The following CENPC variants were observed in gnomAD, a reference collection of about 807,000 sequenced individuals.
CENPC encodes the protein centromere protein C.
CENPC carries 63 observed loss-of-function variants against 112.1 expected under a neutral mutation model. The observed-to-expected ratio is 0.56, with a 90% CI of 0.46 to 0.69. CENPC has a LOEUF of 0.69. CENPC is among the 30% of genes least tolerant of loss of function. The pLI is 0.00. For missense variants in CENPC, 1,000 were observed against 1,103.8 expected (o/e 0.91, Z 1.33); for synonymous variants, 333 against 367.6 (o/e 0.91, Z 1.08).
Position 67,545,423 on chromosome 4 carries a change from G to A in CENPC, c.-68C>T, listed in dbSNP as rs1727006494. On this transcript the variant is annotated 5_prime_UTR_variant, in exon 1 of 19. Transcript: ENST00000273853. ...CCCACACGGACCACAGCTCCAGGAA[G>A]CCGAGCAAGAAACGAATCGCCGGAA... is the stretch of plus-strand genomic sequence containing the variant. 2.8e-6 allele frequency: 4 copies of A among 1,427,196 alleles called. No homozygotes were observed. Among genetic ancestry groups the A allele is most frequent in the Middle Eastern group, 1.9e-4 (1 of 5,202 alleles). The allele number at this position is 1,427,196 out of a possible 1,614,324, so 88.4% of individuals were successfully genotyped here.
intron 16 of CENPC, among the ~76,000 whole-genome samples, 181 bp from the exon 17 acceptor site, chr4:67,490,302 C>G (rs1258186920): frequency 1.3e-5 from 2 of 152,118 alleles, no homozygotes; most frequent in African/African-American, 4.8e-5. Flanking sequence ...GTCTTAAAAG[C>G]TGCATGACCT....
chr4:67,532,094 A>C (rs1252365727), intron 4 of CENPC, among the ~76,000 whole-genome samples: 1 of 152,236 alleles, frequency 6.6e-6, no homozygotes, highest in Non-Finnish European at 1.5e-5. Context: ...AAGGATATGA[A>C]CAGACACTTC....
intron 16 of CENPC, among the ~76,000 whole-genome samples, chr4:67,491,480 T>TATAGAGAGAG (rs1725270093): frequency 6.1e-4 from 11 of 18,102 alleles, no homozygotes; most frequent in Non-Finnish European, 7.3e-4. Flanking sequence ...TATATATATA[T>TATAGAGAGAG]AGAGAGAGAG....
intron 8 of CENPC, 122 bp downstream of exon 8, chr4:67,513,952 G>C: frequency 1.2e-6 from 1 of 836,584 alleles, no homozygotes; most frequent in Non-Finnish European, 1.7e-6. Flanking sequence ...GAACCTATAG[G>C]CTTTTCAGGC....
At chr4:67,521,065 A>G (rs1398999517) in intron 5 of CENPC, among the ~76,000 whole-genome samples, 4 of 145,930 alleles carry the variant, frequency 2.7e-5, no homozygotes, top group African/African-American at 9.9e-5. Flanking sequence ...AACACAGGAA[A>G]GAACCTATAC....
intron 7 of CENPC, among the ~76,000 whole-genome samples, chr4:67,516,387 CT>C (rs948306153): frequency 6.6e-6 from 1 of 151,966 alleles, no homozygotes; most frequent in African/African-American, 2.4e-5. Context: ...CTCGTTTCCA[CT>C]TTTTCACTAG....
chr4:67,497,979 C>A (rs562970844), intron 12 of CENPC, among the ~76,000 whole-genome samples: 2 of 152,024 alleles, frequency 1.3e-5, no homozygotes, highest in East Asian at 3.9e-4. Flanking sequence ...GCCTGTAATC[C>A]CAAGACTTTG....
intron 2 of CENPC, among the ~76,000 whole-genome samples, chr4:67,542,669 T>C (rs148106148): frequency 3.3e-5 from 5 of 152,296 alleles, no homozygotes; most frequent in Admixed American, 6.5e-5. Flanking sequence ...ATTTTGCAGA[T>C]AGGCAAACTG....
chr4:67,513,335 A>C (rs1386991455), intron 8 of CENPC, among the ~76,000 whole-genome samples: 2 of 152,316 alleles, frequency 1.3e-5, no homozygotes, highest in East Asian at 3.9e-4. Flanking sequence ...TGACAGCAAT[A>C]GAAAATTAAT....
chr4:67,493,684 A>C (rs760690411), intron 14 of CENPC, 200 bp downstream of exon 14: 23 of 476,824 alleles, frequency 4.8e-5, no homozygotes, highest in Non-Finnish European at 7.5e-5. Context: ...CAGATGATAC[A>C]GGAATAACAA....
chr4:67,498,330 T>C (rs1725497247), intron 12 of CENPC, among the ~76,000 whole-genome samples: 1 of 152,232 alleles, frequency 6.6e-6, no homozygotes, highest in South Asian at 2.1e-4. Context: ...TTTTGCCTTA[T>C]TGTTGATGAC....
At chr4:67,513,087 T>C (rs1271305663) in intron 8 of CENPC, among the ~76,000 whole-genome samples, 3 of 152,048 alleles carry the variant, frequency 2.0e-5, no homozygotes, top group Non-Finnish European at 2.9e-5. Context: ...ATTCACAACA[T>C]GAGAAGGCTG....
At chr4:67,494,801 G>A (rs1006851694) in intron 13 of CENPC, among the ~76,000 whole-genome samples, 18 of 152,138 alleles carry the variant, frequency 1.2e-4, no homozygotes, top group African/African-American at 4.3e-4. Flanking sequence ...CTTTGTTTAG[G>A]AGTCAACTGG....
chr4:67,520,905 G>A (rs978201692), intron 5 of CENPC, among the ~76,000 whole-genome samples: 1 of 152,030 alleles, frequency 6.6e-6, no homozygotes. Context: ...CCAGCTACTC[G>A]GGAGGCTGAA....
At chr4:67,531,891 A>G (rs1255870873) in intron 4 of CENPC, among the ~76,000 whole-genome samples, 1 of 152,218 alleles carries the variant, frequency 6.6e-6, no homozygotes, top group Non-Finnish European at 1.5e-5. Context: ...GAAAATTGAC[A>G]AATGGGATCT....
rs973079010 is a variant in CENPC, at chr4:67,495,201, G to T, written c.2143C>A (p.Gln715Lys). Residue 715 changes from glutamine (Q) to lysine (K), a missense_variant, in exon 13 of 19, where the codon CAA becomes AAA. By Grantham distance (53) the Gln-to-Lys change is moderately conservative. Coordinates refer to ENST00000273853, the MANE Select transcript of CENPC (RefSeq NM_001812.4). Reference sequence around the variant, plus strand: ...CTGTTCTTTGGTATCACTTTAGATTGTTTTGAGTCATCTACAAAATGCAAA... The same window carrying T: ...CTGTTCTTTGGTATCACTTTAGATTTTTTTGAGTCATCTACAAAATGCAAA... Reference protein sequence around the residue: ...EVHGSSDDSKQSKVIPKNRIH... With the variant: ...EVHGSSDDSKKSKVIPKNRIH... 11 of 1,530,218 alleles carry T rather than the reference G, an allele frequency of 7.2e-6. No individual in the cohort carries two copies. Among genetic ancestry groups the T allele is most frequent in the Admixed American group, 2.2e-5 (1 of 45,934 alleles). 94.8% of individuals were successfully genotyped at this position (1,530,218 alleles called of 1,614,324 possible). A position where few individuals can be genotyped will look rare whatever the true frequency, so the allele number is the denominator to read the frequency against.
chr4:67,529,707 A>G (rs1252292717), intron 5 of CENPC, among the ~76,000 whole-genome samples: 1 of 152,226 alleles, frequency 6.6e-6, no homozygotes, highest in Non-Finnish European at 1.5e-5. Flanking sequence ...AATTCTCACG[A>G]AATTACTACA....
At chr4:67,497,367 C>A (rs907532822) in intron 12 of CENPC, among the ~76,000 whole-genome samples, 29 of 151,860 alleles carry the variant, frequency 1.9e-4, no homozygotes, top group African/African-American at 7.0e-4. Flanking sequence ...GACAGAGGGA[C>A]ACTCCGTCTT....
chr4:67,498,136 C>T lies in CENPC; in HGVS notation c.2132-2924G>A, dbSNP rs113376936. ...TAATCCCAGCTACTCTTGGTGGCTGCGGCAAGAGAATCGCTTGAACCCAGG... is the reference window on the plus strand; with the variant it reads ...TAATCCCAGCTACTCTTGGTGGCTGTGGCAAGAGAATCGCTTGAACCCAGG... On this transcript the variant is annotated intron_variant, in intron 12 of 18. Transcript: ENST00000273853. 7.4e-3 allele frequency among the ~76,000 whole-genome samples: 1,129 copies of T among 151,840 alleles called. 13 individuals are homozygous for T. Among genetic ancestry groups the T allele is most frequent in the African/African-American group, 0.026 (1,056 of 41,392 alleles).
Sources: allele counts gnomAD v4.1 joint callset (sites outside exome capture counted in the v4.1 genomes callset), GRCh38; gene constraint gnomAD v4.1.1; transcripts MANE v1.5; gene names NCBI Gene and HGNC (gene_info 2026-07-23, HGNC 2026-07-21).